Variants in EML5 observed in about 807,000 individuals in gnomAD.
EML5 encodes echinoderm microtubule-associated protein-like 5.
EML5 carries 120 observed loss-of-function variants against 250.0 expected under a neutral mutation model. The ratio of observed to expected loss-of-function variants is 0.48; its 90% CI spans 0.41 to 0.56. The LOEUF is 0.56. EML5 is among the 20% of genes least tolerant of loss of function. EML5 has a pLI of 0.00. For synonymous variants in EML5, 771 were observed against 806.5 expected (o/e 0.96, Z 0.75); for missense variants, 2,006 against 2,437.6 (o/e 0.82, Z 3.73).
chr14:88,728,055 A>G (rs529535114), intron 7 of EML5, among the ~76,000 whole-genome samples: 2 of 152,322 alleles, frequency 1.3e-5, no homozygotes, highest in South Asian at 2.1e-4. Context: ...CTGAAACAGT[A>G]CTTAGGAGGA....
chr14:88,749,300 C>A (rs2094055451), intron 2 of EML5, among the ~76,000 whole-genome samples: 1 of 152,110 alleles, frequency 6.6e-6, no homozygotes, highest in African/African-American at 2.4e-5. Flanking sequence ...AGTGCTGAGG[C>A]AGAAAAAAGT....
chr14:88,633,110 C>A (rs1555420993), intron 33 of EML5, among the ~76,000 whole-genome samples: 1 of 152,160 alleles, frequency 6.6e-6, no homozygotes, highest in Non-Finnish European at 1.5e-5. Flanking sequence ...ACCCCTGAAA[C>A]TGGTCTGAGC....
At chr14:88,791,222 G>A (rs2094603453) in intron 1 of EML5, among the ~76,000 whole-genome samples, 1 of 152,176 alleles carries the variant, frequency 6.6e-6, no homozygotes, top group Non-Finnish European at 1.5e-5. Flanking sequence ...AGGGCTTCTT[G>A]CCTACAAGAC....
rs922944357 is a variant in EML5 at position 88,614,345 on chromosome 14, T to C, written c.*1473A>G. The stretch of plus-strand genomic sequence containing the variant: ...TTACGTTTCAAGCTTCTTAGCCCCA[T>C]AATCAGTCCTTCAGCCACAGCTATT... On this transcript the variant is annotated 3_prime_UTR_variant, in exon 44 of 44. Transcript: ENST00000554922. The C allele has an allele frequency of 6.6e-6, 1 of 152,222 alleles. No individual in the cohort carries two copies. The highest frequency in any genetic ancestry group is 1.5e-5 in the Non-Finnish European group (1 of 68,042). The allele number at this position is 152,222 out of a possible 1,614,324, so 9.4% of individuals were successfully genotyped here.
At chr14:88,705,947 T>C in intron 11 of EML5, 1 of 534,502 alleles carries the variant, frequency 1.9e-6, no homozygotes, top group African/African-American at 1.9e-5. Context: ...TTTTTGTCAA[T>C]AAAAGCATTT....
rs1343864661 is a variant in EML5, at chr14:88,639,158, A to C, written c.4238-251T>G. 2.6e-5 allele frequency among the ~76,000 whole-genome samples: 4 copies of C among 152,254 alleles called. No individual in the cohort carries two copies. The South Asian group carries it at 6.2e-4, about 24-fold the overall frequency. On this transcript the variant is annotated intron_variant, in intron 31 of 43. Coordinates refer to ENST00000554922, the MANE Select transcript of EML5 (RefSeq NM_183387.3). The stretch of plus-strand genomic sequence containing the variant: ...CAAGTGCCACAAGAGAGTTGGGATC[A>C]AAATGCTATGGGAATTCAGAGCAGA...
chr14:88,615,731 C>A lies in EML5; in HGVS notation c.*87G>T. The A allele has an allele frequency of 7.7e-7, 1 of 1,294,690 alleles. No homozygotes were observed. Among genetic ancestry groups the A allele is most frequent in the Non-Finnish European group, 1.1e-6 (1 of 920,538 alleles). The allele number at this position is 1,294,690 out of a possible 1,614,324, so 80.2% of individuals were successfully genotyped here. Reference sequence around the variant, plus strand: ...TCCCTGTTACAGTCTTGGGTTAGCACCACTTGACCATGCAGGGTTGGGTTT... The same window carrying A: ...TCCCTGTTACAGTCTTGGGTTAGCAACACTTGACCATGCAGGGTTGGGTTT... On this transcript the variant is annotated 3_prime_UTR_variant, in exon 44 of 44. Coordinates refer to ENST00000554922, the MANE Select transcript of EML5 (RefSeq NM_183387.3).
intron 18 of EML5, among the ~76,000 whole-genome samples, chr14:88,687,884 T>A (rs2092871980): frequency 6.6e-6 from 1 of 152,184 alleles, no homozygotes; most frequent in Non-Finnish European, 1.5e-5. Flanking sequence ...GAGACTACCC[T>A]GGGCAACATA....
chr14:88,646,134 T>C (rs2091336170), intron 29 of EML5, among the ~76,000 whole-genome samples: 1 of 152,134 alleles, frequency 6.6e-6, no homozygotes, highest in South Asian at 2.1e-4. Flanking sequence ...AACCTTCCCA[T>C]ATAAAAGACT....
Position 88,665,392 on chromosome 14 carries a change from A to T in EML5, c.3222T>A (p.Asp1074Glu). The T allele has an allele frequency of 6.2e-7, 1 of 1,613,940 alleles. No homozygotes were observed. The highest frequency in any genetic ancestry group is 8.5e-7 in the Non-Finnish European group (1 of 1,179,864). Reference sequence around the variant, plus strand: ...CTTTTCTGTGATGAAAAGACACAAGATCCTCTAGAGTATCCGCATTTGCCA... The same window carrying T: ...CTTTTCTGTGATGAAAAGACACAAGTTCCTCTAGAGTATCCGCATTTGCCA... ...FLMANADTLE[D>E]LVSFHHRKDM... is the part of the protein sequence containing the mutation. The change falls in exon 22 of 44, where the codon GAT becomes GAA. Residue 1074 changes from aspartate (D) to glutamate (E), a missense_variant. Transcript: ENST00000554922.
At chr14:88,679,427 C>T (rs1016031553) in intron 21 of EML5, among the ~76,000 whole-genome samples, 2 of 152,190 alleles carry the variant, frequency 1.3e-5, no homozygotes, top group African/African-American at 4.8e-5. Flanking sequence ...CATGGTGGCT[C>T]ATGCTTGTAA....
chr14:88,786,301 T>C (rs368933633), intron 1 of EML5, among the ~76,000 whole-genome samples: 5 of 152,210 alleles, frequency 3.3e-5, no homozygotes, highest in African/African-American at 2.4e-5. Context: ...CATGCATATA[T>C]AAAAATTTAC....
In EML5 at chr14:88,660,771, AACTT is replaced by A; in HGVS notation, c.3675+879_3675+882del. On this transcript the variant is annotated intron_variant, in intron 25 of 43. Transcript: ENST00000554922. ...AAAAAAAAAGAAAAAAGAAAAAAAA[AACTT>A]AATATACATAAGCAGGAAGTAAATA... 2.6e-5 allele frequency among the ~76,000 whole-genome samples: 4 copies of A among 152,098 alleles called. No individual in the cohort carries two copies. The South Asian group carries it at 8.3e-4, about 32-fold the overall frequency.
Position 88,754,495 on chromosome 14 carries a change from G to T in EML5, c.357+17C>A. 1.3e-6 allele frequency: 2 copies of T among 1,561,136 alleles called. No homozygotes were observed. The highest frequency in any genetic ancestry group is 1.4e-5 in the African/African-American group (1 of 72,000). On this transcript the variant is annotated intron_variant, in intron 2 of 43. Coordinates refer to ENST00000554922, the MANE Select transcript of EML5 (RefSeq NM_183387.3). ...CTTAACATACAATTTAGAAAAAAATGAAAAACTGTCACATACCTGTCCATC... is the reference window on the plus strand; with the variant it reads ...CTTAACATACAATTTAGAAAAAAATTAAAAACTGTCACATACCTGTCCATC...
intron 23 of EML5, 137 bp from the exon 24 acceptor site, chr14:88,663,256 TAAG>T: frequency 2.1e-6 from 1 of 483,114 alleles, no homozygotes; most frequent in Non-Finnish European, 3.5e-6. Context: ...CAACTTATAG[TAAG>T]AACATTTTAT....
chr14:88,654,774 G>A (rs985723086), intron 27 of EML5, among the ~76,000 whole-genome samples: 2 of 152,178 alleles, frequency 1.3e-5, no homozygotes, highest in Middle Eastern at 3.2e-3. Flanking sequence ...GGGGTGGACA[G>A]TTCTGTAGAT....
chr14:88,714,963 T>G lies in EML5; in HGVS notation c.1420A>C (p.Lys474Gln), dbSNP rs376367098. Residue 474 changes from lysine (K) to glutamine (Q), a missense_variant, in exon 9 of 44, where the codon AAA becomes CAA. Around this residue, in one of 7 missense-constraint regions of EML5, gnomAD observed 1,375 missense variants for 1,590.3 expected, o/e 0.86. Transcript: ENST00000554922. ...CCTGGCATTCTATAAAAAAGTCTTT[T>G]CCCATTTCCATCATTTGTCTGCAAA... ...RYLQTNDGNG[K>Q]RLFYRMPGGK... 1.2e-6 allele frequency: 2 copies of G among 1,612,696 alleles called. No homozygotes were observed. Among genetic ancestry groups the G allele is most frequent in the Non-Finnish European group, 1.7e-6 (2 of 1,179,386 alleles).
chr14:88,769,653 C>T (rs2094366578), intron 1 of EML5, among the ~76,000 whole-genome samples: 1 of 152,268 alleles, frequency 6.6e-6, no homozygotes. Context: ...ATAGGTGACA[C>T]GCCAGATTGT....
Position 88,710,046 on chromosome 14 carries a change from G to A in EML5, c.1657+2225C>T, listed in dbSNP as rs1053846850. Among the ~76,000 whole-genome samples the A allele has an allele frequency of 3.3e-5, 5 of 152,154 alleles. No individual in the cohort carries two copies. In the East Asian group the frequency reaches 5.8e-4, roughly 18 times the overall value. On this transcript the variant is annotated intron_variant, in intron 10 of 43. Transcript: ENST00000554922. ...ACAGTGATGGAGGTGATGGGCTAACGTAACTCTGCCCTCACCTCTCCATTC... is the reference window on the plus strand; with the variant it reads ...ACAGTGATGGAGGTGATGGGCTAACATAACTCTGCCCTCACCTCTCCATTC...
Sources: allele counts gnomAD v4.1 joint callset (sites outside exome capture counted in the v4.1 genomes callset), GRCh38; gene constraint gnomAD v4.1.1; regional missense constraint gnomAD v4.1.1; transcripts MANE v1.5; gene names NCBI Gene and HGNC (gene_info 2026-07-23, HGNC 2026-07-21).